The following JAZF1 variants were observed in gnomAD, a reference collection of about 807,000 sequenced individuals.
JAZF1 encodes the protein juxtaposed with another zinc finger protein 1.
JAZF1 carries 8 observed loss-of-function variants against 26.4 expected under a neutral mutation model. That is an observed-to-expected ratio of 0.30 (90% CI 0.18 to 0.55). The LOEUF (loss-of-function observed/expected upper bound fraction) is 0.55, where lower values mean the gene tolerates loss of function less well. Among genes scored for constraint, JAZF1 ranks in the 20% least tolerant of loss-of-function variants. The probability of loss-of-function intolerance (pLI) is 0.94; values close to 1 mark genes in which losing one functional copy is unlikely to be tolerated. For synonymous variants in JAZF1, 126 were observed against 122.3 expected, an observed-to-expected ratio of 1.03 and a Z score of -0.20; for missense variants, 199 against 322.0, an observed-to-expected ratio of 0.62 and a Z score of 2.92.
intron 3 of JAZF1, among the ~76,000 whole-genome samples, chr7:27,869,642 C>T (rs190678992): frequency 3.9e-5 from 6 of 152,218 alleles, no homozygotes; most frequent in Non-Finnish European, 7.4e-5. Flanking sequence ...AGAATCACAT[C>T]CAGGACGGGG....
At chr7:28,093,750 G>A (rs1784339026) in intron 1 of JAZF1, among the ~76,000 whole-genome samples, 1 of 152,184 alleles carries the variant, frequency 6.6e-6, no homozygotes, top group South Asian at 2.1e-4. Flanking sequence ...ACCGAGCTTT[G>A]GGCAAACCCA....
chr7:28,174,576 T>C (rs1783519971), intron 1 of JAZF1, among the ~76,000 whole-genome samples: 1 of 152,250 alleles, frequency 6.6e-6, no homozygotes. Flanking sequence ...CCCAGTCAGT[T>C]ACAGGCAGAG....
intron 1 of JAZF1, among the ~76,000 whole-genome samples, chr7:28,126,730 C>T (rs1782697804): frequency 6.6e-6 from 1 of 152,056 alleles, no homozygotes; most frequent in Admixed American, 6.5e-5. Context: ...TCTAGAGCCA[C>T]CTCAGGGTAC....
intron 1 of JAZF1, among the ~76,000 whole-genome samples, chr7:28,019,085 G>A (rs1402107110): frequency 1.3e-5 from 2 of 152,088 alleles, no homozygotes; most frequent in East Asian, 1.9e-4. Context: ...CATCCTTGTG[G>A]CTCCTCTGTT....
chr7:28,016,560 C>G (rs558940463), intron 1 of JAZF1, among the ~76,000 whole-genome samples: 92 of 152,292 alleles, frequency 6.0e-4, no homozygotes, highest in African/African-American at 2.1e-3. Context: ...GGACAGGGGC[C>G]AAGGGGGCAT....
chr7:28,176,468 A>G (rs1026518990), intron 1 of JAZF1, among the ~76,000 whole-genome samples: 1 of 152,074 alleles, frequency 6.6e-6, no homozygotes, highest in African/African-American at 2.4e-5. Flanking sequence ...CACCCTGACC[A>G]ATCTATTTAA....
chr7:27,927,730 A>C (rs1157426006), intron 2 of JAZF1, among the ~76,000 whole-genome samples: 1 of 152,180 alleles, frequency 6.6e-6, no homozygotes, highest in Admixed American at 6.5e-5. Flanking sequence ...AGAACTATGA[A>C]GAGAAGTTAC....
rs746987160 is a variant in JAZF1 at position 27,847,741 on chromosome 7, C to T, written c.386-6874G>A. 7.9e-4 allele frequency among the ~76,000 whole-genome samples: 120 copies of T among 152,160 alleles called. 1 individual carries two copies. Among genetic ancestry groups the T allele is most frequent in the Non-Finnish European group, 6.8e-4 (46 of 68,040 alleles). On this transcript the variant is annotated intron_variant, in intron 3 of 4. Coordinates refer to ENST00000283928, the MANE Select transcript of JAZF1 (RefSeq NM_175061.4). ...GGAATGCAGTGGTGTAATCTCAGTT[C>T]ACTGCAACCTCCGCCTCGTAGGTTC...
intron 1 of JAZF1, among the ~76,000 whole-genome samples, chr7:28,008,560 C>A (rs980933397): frequency 5.3e-5 from 8 of 152,344 alleles, no homozygotes; most frequent in Non-Finnish European, 1.0e-4. Context: ...TAACCCAGTG[C>A]AGCCACATCT....
chr7:28,018,907 G>T (rs746513640), intron 1 of JAZF1, among the ~76,000 whole-genome samples: 1 of 152,204 alleles, frequency 6.6e-6, no homozygotes, highest in South Asian at 2.1e-4. Context: ...GTTGGAGTCT[G>T]TCCTCACTTG....
At chr7:27,973,063 T>C (rs569814602) in intron 2 of JAZF1, among the ~76,000 whole-genome samples, 2 of 151,038 alleles carry the variant, frequency 1.3e-5, no homozygotes, top group East Asian at 1.9e-4. Context: ...CATATCTCCA[T>C]ACAGGGAGAA....
intron 1 of JAZF1, among the ~76,000 whole-genome samples, chr7:28,096,459 A>G (rs758478471): frequency 6.6e-6 from 1 of 152,232 alleles, no homozygotes; most frequent in Non-Finnish European, 1.5e-5. Context: ...CTTACTATCC[A>G]CTATTGAGCA....
At chr7:28,179,065 G>A (rs941641301) in intron 1 of JAZF1, among the ~76,000 whole-genome samples, 12 of 152,186 alleles carry the variant, frequency 7.9e-5, no homozygotes, top group African/African-American at 2.7e-4. Context: ...ATACACAGCA[G>A]TCGTGATTTA....
At chr7:27,916,041 C>T (rs1330917125) in intron 2 of JAZF1, among the ~76,000 whole-genome samples, 1 of 152,070 alleles carries the variant, frequency 6.6e-6, no homozygotes, top group Non-Finnish European at 1.5e-5. Flanking sequence ...TGTGTGTGTG[C>T]ACAGGGGTGG....
intron 1 of JAZF1, among the ~76,000 whole-genome samples, chr7:28,143,637 T>C (rs1047763398): frequency 1.3e-5 from 2 of 152,196 alleles, no homozygotes; most frequent in Non-Finnish European, 2.9e-5. Context: ...GTCCCTCTGA[T>C]CAAAGAGACG....
intron 2 of JAZF1, among the ~76,000 whole-genome samples, chr7:27,963,883 T>C (rs1002886490): frequency 3.3e-5 from 5 of 152,172 alleles, no homozygotes; most frequent in Non-Finnish European, 5.9e-5. Context: ...CCATTTTTAA[T>C]AAACTGAAGT....
At position 28,179,561 on chromosome 7, in the gene JAZF1, C is replaced by G. The variant is rs147938439; in HGVS notation, c.115+902G>C. 5.3e-5 allele frequency among the ~76,000 whole-genome samples: 8 copies of G among 151,756 alleles called. No individual in the cohort carries two copies. In the East Asian group the frequency reaches 1.6e-3, roughly 30 times the overall value. On this transcript the variant is annotated intron_variant, in intron 1 of 4. Coordinates refer to ENST00000283928, the MANE Select transcript of JAZF1 (RefSeq NM_175061.4). ...GCATTTAAATGCCCGGCCATGGGCC[C>G]TGGGGGTGTCTCTCCAGCGGGCGCC...
chr7:28,145,952 G>C (rs1162885914), intron 1 of JAZF1, among the ~76,000 whole-genome samples: 1 of 152,190 alleles, frequency 6.6e-6, no homozygotes, highest in African/African-American at 2.4e-5. Context: ...ATGTGGATGA[G>C]GAGTTTGTTC....
At chr7:28,034,445 A>G (rs1783249450) in intron 1 of JAZF1, among the ~76,000 whole-genome samples, 1 of 144,226 alleles carries the variant, frequency 6.9e-6, no homozygotes, top group Admixed American at 7.1e-5. Context: ...GGCCAGTTAT[A>G]ATAAAAATAT....
Sources: allele counts gnomAD v4.1 joint callset (sites outside exome capture counted in the v4.1 genomes callset), GRCh38; gene constraint gnomAD v4.1.1; transcripts MANE v1.5; gene names NCBI Gene and HGNC (gene_info 2026-07-23, HGNC 2026-07-21).